MACROD2: variants seen among roughly 807,000 people sequenced by gnomAD.
The protein encoded by MACROD2 is mono-ADP ribosylhydrolase 2.
MACROD2 carries 36 observed loss-of-function variants against 70.4 expected under a neutral mutation model. That is an observed-to-expected ratio of 0.51 (90% confidence interval 0.39 to 0.68). The LOEUF (loss-of-function observed/expected upper bound fraction) is 0.68. Among genes scored for constraint, MACROD2 ranks in the 30% least tolerant of loss-of-function variants. MACROD2 has a pLI of 0.00. For missense variants in MACROD2, 496 were observed against 538.4 expected (o/e 0.92, Z 0.78); for synonymous variants, 172 against 178.8 (o/e 0.96, Z 0.30).
intron 3 of MACROD2, among the ~76,000 whole-genome samples, chr20:14,355,407 T>C (rs1431301059): frequency 6.6e-6 from 1 of 152,164 alleles, no homozygotes; most frequent in Non-Finnish European, 1.5e-5. Context: ...TATTTTTAAC[T>C]CAGTAATTTC....
intron 5 of MACROD2, among the ~76,000 whole-genome samples, chr20:14,723,927 G>A (rs2123689682): frequency 6.6e-6 from 1 of 152,172 alleles, no homozygotes; most frequent in Admixed American, 6.5e-5. Context: ...ATTTTCCTGT[G>A]AGAAATGGTT....
At chr20:15,750,554 G>C (rs1372767567) in intron 8 of MACROD2, among the ~76,000 whole-genome samples, 1 of 138,932 alleles carries the variant, frequency 7.2e-6, no homozygotes, top group East Asian at 2.0e-4. Flanking sequence ...TACACAGGAG[G>C]TTCCTCAAAA....
chr20:14,043,816 A>G (rs1415151436), intron 2 of MACROD2, among the ~76,000 whole-genome samples: 1 of 152,038 alleles, frequency 6.6e-6, no homozygotes, highest in Non-Finnish European at 1.5e-5. Flanking sequence ...AGGGAAAGAG[A>G]AGGTCAGAGA....
chr20:15,304,619 G>T (rs763528232), intron 6 of MACROD2, among the ~76,000 whole-genome samples: 1 of 151,982 alleles, frequency 6.6e-6, no homozygotes, highest in South Asian at 2.1e-4. Context: ...CACCAGTGGC[G>T]TTATCAGCAC....
chr20:14,558,740 C>T lies in MACROD2; in HGVS notation c.301+65232C>T, dbSNP rs188989946. On this transcript the variant is annotated intron_variant, in intron 4 of 17. Coordinates refer to ENST00000684519, the MANE Select transcript of MACROD2 (RefSeq NM_001351661.2). ...CTTAAATTCTTTAAACCTTACTCCA[C>T]GTATAATAGTCTTTAATTATGGCAT... 4.5e-4 allele frequency among the ~76,000 whole-genome samples: 68 copies of T among 151,814 alleles called. 1 individual carries two copies. The highest frequency in any genetic ancestry group is 5.8e-4 in the East Asian group (3 of 5,154).
At chr20:14,823,457 G>T (rs2072869474) in intron 5 of MACROD2, among the ~76,000 whole-genome samples, 1 of 152,038 alleles carries the variant, frequency 6.6e-6, no homozygotes, top group Non-Finnish European at 1.5e-5. Flanking sequence ...TCTGGAGCTG[G>T]CAGAGTGGCT....
At chr20:14,972,553 T>C (rs1438604198) in intron 5 of MACROD2, among the ~76,000 whole-genome samples, 3 of 152,314 alleles carry the variant, frequency 2.0e-5, no homozygotes, top group African/African-American at 7.2e-5. Context: ...ATACTGAAGG[T>C]CTAATGCCCA....
chr20:15,624,939 T>A (rs2146738064), intron 8 of MACROD2, among the ~76,000 whole-genome samples: 1 of 152,352 alleles, frequency 6.6e-6, no homozygotes, highest in East Asian at 1.9e-4. Context: ...AAGTAATTTT[T>A]AATATCTTGT....
intron 3 of MACROD2, among the ~76,000 whole-genome samples, chr20:14,271,730 A>T (rs2082198047): frequency 6.6e-6 from 1 of 152,200 alleles, no homozygotes; most frequent in Non-Finnish European, 1.5e-5. Context: ...AAAGGCAAAG[A>T]AGTTAAAAAC....
intron 3 of MACROD2, among the ~76,000 whole-genome samples, chr20:14,271,077 A>C (rs2122353184): frequency 6.6e-6 from 1 of 152,358 alleles, no homozygotes; most frequent in Non-Finnish European, 1.5e-5. Context: ...ACAGACAAAC[A>C]AAAAGACAGC....
chr20:15,413,447 A>C (rs1467050054), intron 6 of MACROD2, among the ~76,000 whole-genome samples: 1 of 152,204 alleles, frequency 6.6e-6, no homozygotes, highest in African/African-American at 2.4e-5. Flanking sequence ...ATTGTGTCTC[A>C]TTAAGGATGA....
chr20:14,977,984 G>C (rs1056854154), intron 5 of MACROD2, among the ~76,000 whole-genome samples: 5 of 151,910 alleles, frequency 3.3e-5, no homozygotes, highest in African/African-American at 1.2e-4. Context: ...ACTCATTTCT[G>C]CCTAGGTTCA....
At chr20:15,466,892 T>A (rs996119218) in intron 7 of MACROD2, among the ~76,000 whole-genome samples, 1 of 152,230 alleles carries the variant, frequency 6.6e-6, no homozygotes, top group South Asian at 2.1e-4. Flanking sequence ...GTTTTACTCC[T>A]GAGGAGGAAC....
At chr20:14,720,435 A>G (rs1299065524) in intron 5 of MACROD2, among the ~76,000 whole-genome samples, 3 of 149,496 alleles carry the variant, frequency 2.0e-5, no homozygotes, top group East Asian at 4.1e-4. Context: ...GTTTTGGTTG[A>G]TAACAGTTGT....
intron 3 of MACROD2, among the ~76,000 whole-genome samples, chr20:14,461,596 G>A (rs928981202): frequency 5.3e-5 from 8 of 151,706 alleles, no homozygotes; most frequent in African/African-American, 1.9e-4. Flanking sequence ...ATGTTGTTGT[G>A]CTGCACCCAT....
intron 5 of MACROD2, among the ~76,000 whole-genome samples, chr20:15,061,353 T>C (rs1568554394): frequency 6.6e-6 from 1 of 152,182 alleles, no homozygotes; most frequent in Non-Finnish European, 1.5e-5. Context: ...TTCATGCCCT[T>C]GGTGGCATCA....
intron 5 of MACROD2, among the ~76,000 whole-genome samples, chr20:14,909,737 T>A (rs2074003478): frequency 6.6e-6 from 1 of 152,030 alleles, no homozygotes; most frequent in African/African-American, 2.4e-5. Context: ...CTTCTACCTA[T>A]CTGAAAAAAA....
Position 15,657,592 on chromosome 20 carries a change from G to C in MACROD2, c.645+157745G>C, listed in dbSNP as rs1328326260. Among the ~76,000 whole-genome samples, 4 of 152,134 alleles carry C rather than the reference G, an allele frequency of 2.6e-5. No individual in the cohort carries two copies. In the South Asian group the frequency reaches 6.2e-4, roughly 24 times the overall value. ...CTCTAATGGTAAAAATGTATGTGAA[G>C]ATCAAAATTTATATTGTGCTTAATG... On this transcript the variant is annotated intron_variant, in intron 8 of 17. Transcript: ENST00000684519.
chr20:14,348,601 T>C (rs990390502), intron 3 of MACROD2, among the ~76,000 whole-genome samples: 1 of 152,140 alleles, frequency 6.6e-6, no homozygotes, highest in African/African-American at 2.4e-5. Context: ...CCACCAATTG[T>C]CCTGTTATCT....
Sources: gnomAD v4.1 joint callset for allele counts (sites outside exome capture counted in the v4.1 genomes callset) on GRCh38, gnomAD v4.1.1 for gene constraint, MANE v1.5 for transcripts, NCBI Gene and HGNC (gene_info 2026-07-23, HGNC 2026-07-21) for gene names.